Variants in PRELID2 observed in about 807,000 individuals in gnomAD.
PRELID2 encodes PRELI domain-containing protein 2.
In PRELID2, 25 loss-of-function variants were observed where a neutral mutation model predicts 28.4. That is an observed-to-expected ratio of 0.88 (90% CI 0.64 to 1.23). The LOEUF is 1.23. Ranked by LOEUF, PRELID2 falls within the 50% of genes most tolerant of loss-of-function variation. The probability of loss-of-function intolerance (pLI) is 0.00; values close to 1 mark genes in which losing one functional copy is unlikely to be tolerated. For synonymous variants in PRELID2, 76 were observed against 71.6 expected (o/e 1.06, Z -0.31); for missense variants, 201 against 214.4 (o/e 0.94, Z 0.39).
the PRELID2 span, among the ~76,000 whole-genome samples, chr5:145,415,330 G>A: frequency 6.6e-6 from 1 of 150,708 alleles, no homozygotes; most frequent in African/African-American, 2.4e-5. Context: ...TGTGCACAAT[G>A]TGCAGGTTAG....
rs567505192 is a variant in PRELID2 at position 145,508,839 on chromosome 5, G to A, written n.71-35524C>T. Among the ~76,000 whole-genome samples the A allele has an allele frequency of 1.1e-4, 17 of 152,246 alleles. No homozygotes were observed. The East Asian group carries it at 1.9e-3, about 17-fold the overall frequency. ...ACAGAATGGTGGACCAAAAATAACC[G>A]GCCTGGCATAACCAGCAAGCAACAT... On this transcript the variant is annotated intron_variant and non_coding_transcript_variant, in intron 1 of 2. Transcript: ENST00000510259.
chr5:145,796,623 C>G, intron 4 of PRELID2, 76 bp from the exon 5 acceptor site: 1 of 751,416 alleles, frequency 1.3e-6, no homozygotes, highest in Non-Finnish European at 2.2e-6. Context: ...TTTCTAGCTG[C>G]ATAATTACCA....
At chr5:145,288,628 C>T in the PRELID2 span, among the ~76,000 whole-genome samples, 55,694 of 151,906 alleles carry the variant, frequency 0.37, 10,639 homozygotes, top group African/African-American at 0.46. Flanking sequence ...TCATTGCTTC[C>T]AAGCTTTCTT....
At chr5:145,743,063 G>A (rs1370437718) in intron 1 of PRELID2, among the ~76,000 whole-genome samples, 1 of 151,992 alleles carries the variant, frequency 6.6e-6, no homozygotes, top group Non-Finnish European at 1.5e-5. Flanking sequence ...AAGAAAATTA[G>A]GGGGCGGGGC....
intron 5 of PRELID2, among the ~76,000 whole-genome samples, chr5:145,771,724 G>A (rs532687014): frequency 5.3e-5 from 8 of 152,104 alleles, no homozygotes; most frequent in African/African-American, 7.2e-5. Flanking sequence ...GTGTGGTGAC[G>A]CATGCCTGTA....
intron 5 of PRELID2, among the ~76,000 whole-genome samples, chr5:145,784,706 A>G (rs1751872008): frequency 6.6e-6 from 1 of 152,148 alleles, no homozygotes; most frequent in African/African-American, 2.4e-5. Context: ...CATGTTTCCA[A>G]GGAATATGTA....
At chr5:145,279,783 T>C in the PRELID2 span, among the ~76,000 whole-genome samples, 3 of 152,068 alleles carry the variant, frequency 2.0e-5, no homozygotes, top group Non-Finnish European at 2.9e-5. Flanking sequence ...GGACATATTC[T>C]TGAATTAAAG....
At chr5:145,788,035 C>T (rs2149804918) in intron 5 of PRELID2, among the ~76,000 whole-genome samples, 1 of 152,210 alleles carries the variant, frequency 6.6e-6, no homozygotes, top group Non-Finnish European at 1.5e-5. Context: ...CTGGTGAGCA[C>T]CTGCAGAGCA....
chr5:145,650,658 A>T lies in PRELID2; in HGVS notation n.70+114273T>A, dbSNP rs532827341. ...TAACAACAAGCAAACAGAAAAAAAA[A>T]GTAATTTTACTTATATTCTTATAGA... On this transcript the variant is annotated intron_variant and non_coding_transcript_variant, in intron 1 of 2. Coordinates refer to the PRELID2 transcript ENST00000510259. Among the ~76,000 whole-genome samples, 1,230 of 148,366 alleles carry T rather than the reference A, an allele frequency of 8.3e-3. 27 individuals are homozygous for T. Among genetic ancestry groups the T allele is most frequent in the African/African-American group, 0.03 (1,176 of 39,622 alleles).
chr5:145,316,824 CAAT>C, the PRELID2 span, among the ~76,000 whole-genome samples: 2 of 152,208 alleles, frequency 1.3e-5, no homozygotes, highest in Non-Finnish European at 2.9e-5. Context: ...AAGCCACCAA[CAAT>C]GTTTGGTCCT....
At chr5:145,264,422 G>A in the PRELID2 span, among the ~76,000 whole-genome samples, 1 of 152,012 alleles carries the variant, frequency 6.6e-6, no homozygotes, top group Non-Finnish European at 1.5e-5. Context: ...TGAAGAAAAA[G>A]TATTTGAAAA....
At chr5:145,292,259 T>C in the PRELID2 span, among the ~76,000 whole-genome samples, 6 of 152,182 alleles carry the variant, frequency 3.9e-5, no homozygotes, top group Non-Finnish European at 5.9e-5. Context: ...TTGGGAGGTA[T>C]GCTTTCTATA....
the PRELID2 span, among the ~76,000 whole-genome samples, chr5:145,453,913 T>A: frequency 6.6e-6 from 1 of 152,316 alleles, no homozygotes; most frequent in Admixed American, 6.5e-5. Flanking sequence ...TGAATAGTGC[T>A]GCAATAAACA....
intron 1 of PRELID2, among the ~76,000 whole-genome samples, chr5:145,711,360 C>G (rs546972717): frequency 3.9e-5 from 6 of 152,262 alleles, no homozygotes; most frequent in African/African-American, 1.4e-4. Context: ...AAATAGTGAG[C>G]TCCTGCTAGG....
intron 4 of PRELID2, among the ~76,000 whole-genome samples, chr5:145,808,875 C>G (rs1306298047): frequency 6.9e-6 from 1 of 145,164 alleles, no homozygotes; most frequent in Non-Finnish European, 1.5e-5. Context: ...CAGAGGGACC[C>G]TGTCTTACAA....
At chr5:145,587,441 A>G (rs1287078119) in intron 1 of PRELID2, among the ~76,000 whole-genome samples, 2 of 152,128 alleles carry the variant, frequency 1.3e-5, no homozygotes, top group Admixed American at 6.6e-5. Context: ...TCTCCTCTTC[A>G]TGCATCTTCA....
At chr5:145,374,256 G>A in the PRELID2 span, among the ~76,000 whole-genome samples, 1 of 152,006 alleles carries the variant, frequency 6.6e-6, no homozygotes, top group Non-Finnish European at 1.5e-5. Context: ...CAGTTTGGCT[G>A]GATGTGAAAT....
chr5:145,288,077 C>G, the PRELID2 span, among the ~76,000 whole-genome samples: 1 of 152,096 alleles, frequency 6.6e-6, no homozygotes, highest in African/African-American at 2.4e-5. Flanking sequence ...CATGACTTGT[C>G]TATATGAATG....
rs553094695 is a variant in PRELID2 at position 145,742,328 on chromosome 5, A to ATTT, written n.70+22600_70+22602dup. On this transcript the variant is annotated intron_variant and non_coding_transcript_variant, in intron 1 of 2. Transcript: ENST00000510259. ...TATATATATAAATAAAAATAGATATATTTTTTTTTTCTGGCTACATCCTAC... is the reference window on the plus strand; with the variant it reads ...TATATATATAAATAAAAATAGATATATTTTTTTTTTTTTCTGGCTACATCCTAC... Among the ~76,000 whole-genome samples the ATTT allele has an allele frequency of 2.9e-3, 406 of 137,728 alleles. 2 individuals are homozygous for ATTT. Among genetic ancestry groups the ATTT allele is most frequent in the African/African-American group, 9.9e-3 (374 of 37,816 alleles). 90.4% of individuals were successfully genotyped at this position (137,728 alleles called of 152,430 possible). A position where few individuals can be genotyped will look rare whatever the true frequency, so the allele number is the denominator to read the frequency against.
Sources: gnomAD v4.1 joint callset for allele counts (sites outside exome capture counted in the v4.1 genomes callset) on GRCh38, gnomAD v4.1.1 for gene constraint, MANE v1.5 for transcripts, NCBI Gene and HGNC (gene_info 2026-07-23, HGNC 2026-07-21) for gene names.